The following CSMD1 variants were observed in gnomAD, a reference collection of about 807,000 sequenced individuals.
The protein encoded by CSMD1 is CUB and Sushi multiple domains 1, also known as CUB and sushi domain-containing protein 1.
In CSMD1, 213 loss-of-function variants were observed where a neutral mutation model predicts 417.5. That is an observed-to-expected ratio of 0.51 (90% confidence interval 0.46 to 0.57). CSMD1 has a LOEUF of 0.57. Ranked by LOEUF, CSMD1 falls within the 20% of genes least tolerant of loss-of-function variation. The pLI is 0.00. For missense variants in CSMD1, 6,923 were observed against 4,529.7 expected, an observed-to-expected ratio of 1.53 and a Z score of -15.17; for synonymous variants, 2,862 against 1,736.8, an observed-to-expected ratio of 1.65 and a Z score of -16.11.
intron 10 of CSMD1, among the ~76,000 whole-genome samples, chr8:3,549,414 G>C (rs1180515103): frequency 1.3e-5 from 2 of 152,218 alleles, no homozygotes; most frequent in Non-Finnish European, 2.9e-5. Flanking sequence ...GGGAGGCTAT[G>C]CTTTGAATGT....
At chr8:3,760,030 C>T (rs888297927) in intron 5 of CSMD1, among the ~76,000 whole-genome samples, 5 of 152,056 alleles carry the variant, frequency 3.3e-5, no homozygotes, top group South Asian at 2.1e-4. Context: ...ACAGGACACA[C>T]GCCTGGTGAA....
At chr8:4,939,829 G>A (rs62488198) in intron 1 of CSMD1, among the ~76,000 whole-genome samples, 35,286 of 152,082 alleles carry the variant, frequency 0.23, 4,271 homozygotes, top group East Asian at 0.38. Context: ...GAATTCACAT[G>A]TGATGTAGCA....
intron 12 of CSMD1, among the ~76,000 whole-genome samples, chr8:3,450,549 A>G (rs1259299132): frequency 6.7e-6 from 1 of 149,562 alleles, no homozygotes; most frequent in Non-Finnish European, 1.5e-5. Flanking sequence ...CCTATCAATG[A>G]GAACATGCAG....
chr8:4,158,868 T>A (rs1452992744), intron 3 of CSMD1, among the ~76,000 whole-genome samples: 1 of 152,144 alleles, frequency 6.6e-6, no homozygotes, highest in East Asian at 1.9e-4. Context: ...AAATCTCAAG[T>A]CCTCAGTTTA....
chr8:3,467,533 T>C (rs1000166921), intron 12 of CSMD1, among the ~76,000 whole-genome samples: 1 of 152,226 alleles, frequency 6.6e-6, no homozygotes, highest in Non-Finnish European at 1.5e-5. Context: ...GGGATGTAAA[T>C]ATACATTTTT....
chr8:4,373,327 C>G (rs978896052), intron 3 of CSMD1, among the ~76,000 whole-genome samples: 3 of 152,100 alleles, frequency 2.0e-5, no homozygotes, highest in African/African-American at 7.2e-5. Flanking sequence ...AGAAAGTATG[C>G]GACATAGGAT....
intron 10 of CSMD1, among the ~76,000 whole-genome samples, chr8:3,503,287 G>C (rs567095958): frequency 2.0e-4 from 30 of 152,262 alleles, no homozygotes; most frequent in Admixed American, 3.3e-4. Context: ...ATAAACACTA[G>C]GAGTCTCTTA....
At chr8:4,901,218 C>A (rs906658135) in intron 1 of CSMD1, among the ~76,000 whole-genome samples, 1 of 152,156 alleles carries the variant, frequency 6.6e-6, no homozygotes, top group South Asian at 2.1e-4. Context: ...GTAGAAACAA[C>A]TATATTTCAG....
At chr8:4,067,907 ACT>A (rs1799336275) in intron 3 of CSMD1, among the ~76,000 whole-genome samples, 7 of 152,054 alleles carry the variant, frequency 4.6e-5, no homozygotes, top group Admixed American at 4.6e-4. Flanking sequence ...TGAAACCCCA[ACT>A]CTACTAAAAA....
In CSMD1 at chr8:3,496,749, C is replaced by G. The variant is rs138892609; in HGVS notation, c.1345-3023G>C. Among the ~76,000 whole-genome samples, 219 of 152,194 alleles carry G rather than the reference C, an allele frequency of 1.4e-3. 3 individuals are homozygous for G. In the East Asian group the frequency reaches 0.037, roughly 26 times the overall value. Reference sequence around the variant, plus strand: ...GCTGAGGCAGGAGAATCACTTGAACCTGGGAGGTGGAGGTTGCAGTGACCT... The same window carrying G: ...GCTGAGGCAGGAGAATCACTTGAACGTGGGAGGTGGAGGTTGCAGTGACCT... On this transcript the variant is annotated intron_variant, in intron 10 of 69. Coordinates refer to ENST00000635120, the MANE Select transcript of CSMD1 (RefSeq NM_033225.6).
chr8:4,496,542 CTCTGTTTTGAACT>C (rs1300097779), intron 2 of CSMD1, among the ~76,000 whole-genome samples: 1 of 152,130 alleles, frequency 6.6e-6, no homozygotes, highest in Non-Finnish European at 1.5e-5. Flanking sequence ...GCTGAATGAC[CTCTGTTTTGAACT>C]TCGCCTCGCC....
chr8:4,328,574 A>G (rs1478001551), intron 3 of CSMD1, among the ~76,000 whole-genome samples: 2 of 152,128 alleles, frequency 1.3e-5, no homozygotes, highest in East Asian at 3.9e-4. Context: ...ACAATTTAAA[A>G]AAATGAAAAA....
intron 23 of CSMD1, among the ~76,000 whole-genome samples, chr8:3,332,334 G>T (rs1217552490): frequency 6.6e-6 from 1 of 152,228 alleles, no homozygotes; most frequent in Admixed American, 6.5e-5. Context: ...AGAAGGGAAG[G>T]TGGGGTTGCT....
intron 1 of CSMD1, among the ~76,000 whole-genome samples, chr8:4,868,620 C>G (rs1210484382): frequency 2.0e-5 from 3 of 151,984 alleles, no homozygotes; most frequent in African/African-American, 7.3e-5. Flanking sequence ...AACAAGTGTT[C>G]AATCATCTAC....
chr8:3,468,959 T>C (rs1448049498), intron 11 of CSMD1, 135 bp from the exon 12 acceptor site: 8 of 581,948 alleles, frequency 1.4e-5, no homozygotes, highest in Non-Finnish European at 1.5e-5. Context: ...TCAAAGACTG[T>C]ACAGCCTCTG....
intron 10 of CSMD1, among the ~76,000 whole-genome samples, chr8:3,548,158 A>G (rs1049373390): frequency 2.0e-5 from 3 of 152,146 alleles, no homozygotes; most frequent in Admixed American, 6.5e-5. Flanking sequence ...ACATGTAACA[A>G]TGTTATGGGG....
chr8:3,558,920 G>C (rs1799345558), intron 10 of CSMD1, among the ~76,000 whole-genome samples: 1 of 152,180 alleles, frequency 6.6e-6, no homozygotes, highest in Non-Finnish European at 1.5e-5. Flanking sequence ...TCCTGGGGCA[G>C]CACCACGATT....
chr8:3,437,432 G>A (rs556835396), intron 12 of CSMD1, among the ~76,000 whole-genome samples: 49 of 152,198 alleles, frequency 3.2e-4, no homozygotes, highest in Non-Finnish European at 5.9e-4. Context: ...GAATTAAATG[G>A]GCTGTGTAAT....
At chr8:4,040,326 T>C (rs1585186667) in intron 3 of CSMD1, among the ~76,000 whole-genome samples, 2 of 152,170 alleles carry the variant, frequency 1.3e-5, no homozygotes, top group East Asian at 1.9e-4. Context: ...ATATATTGAG[T>C]ATGTATCAGT....
Sources: gnomAD v4.1 joint callset for allele counts (sites outside exome capture counted in the v4.1 genomes callset) on GRCh38, gnomAD v4.1.1 for gene constraint, MANE v1.5 for transcripts, NCBI Gene and HGNC (gene_info 2026-07-23, HGNC 2026-07-21) for gene names.